The following CDK17 variants were observed in gnomAD, a reference collection of about 807,000 sequenced individuals.
CDK17 encodes cyclin dependent kinase 17, also known as cyclin-dependent kinase 17.
A neutral mutation model predicts 77.6 loss-of-function variants in CDK17; 24 were observed. That is an observed-to-expected ratio of 0.31 (90% CI 0.22 to 0.44). The LOEUF is 0.44. Ranked by LOEUF, CDK17 falls within the 20% of genes least tolerant of loss-of-function variation. CDK17 has a pLI of 1.00. For missense variants in CDK17, 429 were observed against 622.5 expected, an observed-to-expected ratio of 0.69 and a Z score of 3.31; for synonymous variants, 203 against 210.4, an observed-to-expected ratio of 0.96 and a Z score of 0.30.
chr12:96,345,963 T>A (rs928470580), intron 1 of CDK17, among the ~76,000 whole-genome samples: 1 of 152,216 alleles, frequency 6.6e-6, no homozygotes, highest in Non-Finnish European at 1.5e-5. Context: ...GTAAATGAAT[T>A]AAACTCTTCA....
At chr12:96,363,616 G>C (rs1953532757) in intron 1 of CDK17, among the ~76,000 whole-genome samples, 1 of 152,156 alleles carries the variant, frequency 6.6e-6, no homozygotes, top group Non-Finnish European at 1.5e-5. Context: ...GGGAGGTCAA[G>C]GCGGGCAGAT....
rs1194611006 is a variant in CDK17 at position 96,321,933 on chromosome 12, C to A, written c.283+2015G>T. Among the ~76,000 whole-genome samples, 4 of 148,894 alleles carry A rather than the reference C, an allele frequency of 2.7e-5. No homozygotes were observed. In the Admixed American group the frequency reaches 2.7e-4, roughly 10 times the overall value. On this transcript the variant is annotated intron_variant, in intron 3 of 16. Transcript: ENST00000261211. ...ATGTAACTAACCTGCACAATGTGCA[C>A]ATGTACCCTAAAACTTAAAGTATAA...
Position 96,300,315 on chromosome 12 carries a change from T to C in CDK17, c.589A>G (p.Lys197Glu), listed in dbSNP as rs1438747188. 7.5e-6 allele frequency: 12 copies of C among 1,598,518 alleles called. No individual in the cohort carries two copies. The highest frequency in any genetic ancestry group is 9.4e-6 in the Non-Finnish European group (11 of 1,170,134). Residue 197 changes from lysine to glutamate, a missense_variant, in exon 6 of 17, where the codon AAG becomes GAG. Physicochemically the swap from Lys to Glu is moderately conservative, Grantham distance 56 (BLOSUM62 1). Transcript: ENST00000261211. ...GKMETYIKLE[K>E]LGEGTYATVY... ...AGATATTTACTTACCTCTCCAAGCT[T>C]TTCCAATTTGATGTAGGTTTCCATT...
chr12:96,368,817 G>C lies in CDK17; in HGVS notation c.-30+31169C>G, dbSNP rs931540270. Among the ~76,000 whole-genome samples, 10 of 96,600 alleles carry C rather than the reference G, an allele frequency of 1.0e-4. 2 individuals are homozygous for C. Among genetic ancestry groups the C allele is most frequent in the African/African-American group, 2.8e-4 (8 of 28,566 alleles). The allele number at this position is 96,600 out of a possible 152,430, so 63.4% of individuals were successfully genotyped here. A position where few individuals can be genotyped will look rare whatever the true frequency, so the allele number is the denominator to read the frequency against. On this transcript the variant is annotated intron_variant, in intron 1 of 16. Coordinates refer to ENST00000261211, the MANE Select transcript of CDK17 (RefSeq NM_002595.5). ...AAGCTACTCTAAGACGGGGGGGGGG[G>C]GGGGGGGCACAATGAATAAGGCTGG... is the stretch of plus-strand genomic sequence containing the variant.
chr12:96,289,358 T>A, intron 10 of CDK17, 71 bp from the exon 11 acceptor site: 1 of 1,550,666 alleles, frequency 6.4e-7, no homozygotes, highest in Non-Finnish European at 8.9e-7. Flanking sequence ...ATTCTCACCA[T>A]GACTCCATTC....
At chr12:96,396,925 CAAT>C (rs1954179013) in intron 1 of CDK17, among the ~76,000 whole-genome samples, 1 of 152,082 alleles carries the variant, frequency 6.6e-6, no homozygotes, top group Non-Finnish European at 1.5e-5. Context: ...CATTAGTAGA[CAAT>C]AACAAAGAAA....
intron 1 of CDK17, among the ~76,000 whole-genome samples, chr12:96,339,567 A>G (rs2137151600): frequency 6.6e-6 from 1 of 151,944 alleles, no homozygotes; most frequent in South Asian, 2.1e-4. Context: ...AAAAAAAAAA[A>G]CCTTAGTGGC....
chr12:96,387,764 AG>A (rs1360146062), intron 1 of CDK17, among the ~76,000 whole-genome samples: 5 of 152,088 alleles, frequency 3.3e-5, no homozygotes, highest in African/African-American at 1.2e-4. Context: ...CAACATAGTG[AG>A]ACCCTGTCTC....
rs150212822 is a variant in CDK17 at position 96,397,365 on chromosome 12, A to G, written c.-30+2621T>C. On this transcript the variant is annotated intron_variant, in intron 1 of 16. Transcript: ENST00000261211. Reference sequence around the variant, plus strand: ...TGAAGCTGCAATACACATGGGGATCAATTCCTCCAATTTCATGTTTCCTTA... The same window carrying G: ...TGAAGCTGCAATACACATGGGGATCGATTCCTCCAATTTCATGTTTCCTTA... 6.6e-3 allele frequency among the ~76,000 whole-genome samples: 1,008 copies of G among 152,268 alleles called. 5 individuals are homozygous for G. The highest frequency in any genetic ancestry group is 0.014 in the Middle Eastern group (4 of 294).
intron 5 of CDK17, among the ~76,000 whole-genome samples, chr12:96,309,249 T>C (rs1191374572): frequency 2.6e-5 from 4 of 152,202 alleles, no homozygotes; most frequent in Non-Finnish European, 4.4e-5. Context: ...TTTTAGTACA[T>C]GAAGTTTCCT....
chr12:96,333,309 T>C (rs547774222), intron 2 of CDK17, among the ~76,000 whole-genome samples: 11 of 152,214 alleles, frequency 7.2e-5, no homozygotes, highest in Non-Finnish European at 1.3e-4. Flanking sequence ...CATATAATTC[T>C]ATCCAAATTA....
At chr12:96,384,678 G>A (rs180995217) in intron 1 of CDK17, among the ~76,000 whole-genome samples, 4 of 152,262 alleles carry the variant, frequency 2.6e-5, no homozygotes, top group East Asian at 1.9e-4. Flanking sequence ...AATACTGTAC[G>A]TTCTCACTTA....
intron 1 of CDK17, among the ~76,000 whole-genome samples, chr12:96,392,941 T>G (rs1443506525): frequency 1.3e-5 from 2 of 152,188 alleles, no homozygotes; most frequent in Non-Finnish European, 2.9e-5. Flanking sequence ...ATTATATTGT[T>G]ACAACACAGA....
intron 3 of CDK17, among the ~76,000 whole-genome samples, chr12:96,316,479 T>C (rs368135409): frequency 0.037 from 5,279 of 141,194 alleles, 143 homozygotes; most frequent in East Asian, 0.06. Context: ...CTGCCTGCCT[T>C]TGTAGGCTCC....
At chr12:96,283,804 A>C (rs1952208821) in intron 13 of CDK17, among the ~76,000 whole-genome samples, 159 bp from the exon 14 acceptor site, 1 of 152,228 alleles carries the variant, frequency 6.6e-6, no homozygotes, top group Admixed American at 6.5e-5. Context: ...TTTAGTCTTA[A>C]AAGACTGGCC....
chr12:96,314,820 C>T (rs1035009849), intron 3 of CDK17, among the ~76,000 whole-genome samples: 4 of 152,114 alleles, frequency 2.6e-5, no homozygotes, highest in African/African-American at 9.7e-5. Flanking sequence ...TAAAAGATGC[C>T]TTTTCCTATT....
At chr12:96,370,690 T>C (rs1832942555) in intron 1 of CDK17, among the ~76,000 whole-genome samples, 1 of 152,208 alleles carries the variant, frequency 6.6e-6, no homozygotes, top group African/African-American at 2.4e-5. Flanking sequence ...AATATTGTAA[T>C]AAACTAAAAG....
At chr12:96,364,574 TTC>T (rs954998126) in intron 1 of CDK17, among the ~76,000 whole-genome samples, 34 of 152,296 alleles carry the variant, frequency 2.2e-4, no homozygotes, top group African/African-American at 7.9e-4. Context: ...TTTGGCTGTG[TTC>T]TGTTTGGTTT....
chr12:96,281,397 C>T (rs1952176476), intron 15 of CDK17, among the ~76,000 whole-genome samples: 3 of 152,228 alleles, frequency 2.0e-5, no homozygotes, highest in African/African-American at 7.2e-5. Flanking sequence ...GAGACGGAGT[C>T]TCACTCTCTC....
Sources: gnomAD v4.1 joint callset for allele counts (sites outside exome capture counted in the v4.1 genomes callset) on GRCh38, gnomAD v4.1.1 for gene constraint, MANE v1.5 for transcripts, NCBI Gene and HGNC (gene_info 2026-07-23, HGNC 2026-07-21) for gene names.